The following TRIM44 variants were observed in gnomAD, a reference collection of about 807,000 sequenced individuals.
The protein encoded by TRIM44 is tripartite motif-containing protein 44.
In TRIM44, 13 loss-of-function variants were observed where a neutral mutation model predicts 37.4. The observed-to-expected ratio is 0.35, with a 90% CI of 0.23 to 0.55. The LOEUF (loss-of-function observed/expected upper bound fraction) is 0.55, where lower values mean the gene tolerates loss of function less well. Ranked by LOEUF, TRIM44 falls within the 20% of genes least tolerant of loss-of-function variation. The pLI, the probability that TRIM44 is intolerant of heterozygous loss-of-function variation, is 0.89. For missense variants in TRIM44, 426 were observed against 437.2 expected (o/e 0.97, Z 0.23); for synonymous variants, 175 against 157.2 (o/e 1.11, Z -0.85).
At position 35,816,660 on chromosome 11, in the gene TRIM44, T is replaced by C. The variant is rs1247039599; in HGVS notation, c.*10275T>C. 1 of 152,246 alleles carries C rather than the reference T, an allele frequency of 6.6e-6. No homozygotes were observed. The highest frequency in any genetic ancestry group is 1.5e-5 in the Non-Finnish European group (1 of 68,042). 9.4% of individuals were successfully genotyped at this position (152,246 alleles called of 1,614,324 possible). A position where few individuals can be genotyped will look rare whatever the true frequency, so the allele number is the denominator to read the frequency against. ...CAAAAAAGAGCAATGTGCCGTCTTC[T>C]GTCTTTGGAAAATGGGACAAGCTTG... On this transcript the variant is annotated 3_prime_UTR_variant, in exon 5 of 5. Coordinates refer to ENST00000299413, the MANE Select transcript of TRIM44 (RefSeq NM_017583.6).
intron 2 of TRIM44, among the ~76,000 whole-genome samples, chr11:35,688,202 A>G (rs1851602237): frequency 6.6e-6 from 1 of 152,204 alleles, no homozygotes; most frequent in African/African-American, 2.4e-5. Context: ...CAGAGGCTTT[A>G]CATAGAAGCA....
At chr11:35,716,646 A>G (rs1852042330) in intron 2 of TRIM44, among the ~76,000 whole-genome samples, 1 of 152,172 alleles carries the variant, frequency 6.6e-6, no homozygotes, top group South Asian at 2.1e-4. Context: ...TAGTAAGTCA[A>G]GAGACCTATT....
intron 4 of TRIM44, among the ~76,000 whole-genome samples, chr11:35,785,393 A>G (rs978974189): frequency 1.1e-4 from 17 of 152,188 alleles, no homozygotes; most frequent in African/African-American, 3.9e-4. Context: ...GCCTTTTTGA[A>G]AGGGGTGCAG....
intron 4 of TRIM44, among the ~76,000 whole-genome samples, chr11:35,780,628 G>C (rs1409844415): frequency 6.6e-6 from 1 of 152,172 alleles, no homozygotes; most frequent in Non-Finnish European, 1.5e-5. Context: ...ATCTCAGAGA[G>C]ATAAAGGAAT....
intron 4 of TRIM44, among the ~76,000 whole-genome samples, chr11:35,788,265 T>C (rs1440502749): frequency 6.6e-6 from 1 of 152,166 alleles, no homozygotes; most frequent in Non-Finnish European, 1.5e-5. Context: ...ATGGCTATTC[T>C]ACCCTGGAGC....
chr11:35,753,292 C>T (rs943335095), intron 4 of TRIM44, among the ~76,000 whole-genome samples: 4 of 152,156 alleles, frequency 2.6e-5, no homozygotes, highest in Admixed American at 1.3e-4. Context: ...GTATTTGGGC[C>T]TCAGAGCCTA....
At chr11:35,801,315 CA>C (rs1204354309) in intron 4 of TRIM44, among the ~76,000 whole-genome samples, 1 of 152,216 alleles carries the variant, frequency 6.6e-6, no homozygotes, top group East Asian at 1.9e-4. Flanking sequence ...CGTTCCTTGT[CA>C]ATACCTCTTA....
At chr11:35,784,446 A>C (rs1468184609) in intron 4 of TRIM44, among the ~76,000 whole-genome samples, 1 of 152,232 alleles carries the variant, frequency 6.6e-6, no homozygotes, top group Non-Finnish European at 1.5e-5. Flanking sequence ...TTAAAATACT[A>C]CATTTTTATA....
At chr11:35,771,449 C>T (rs190687121) in intron 4 of TRIM44, among the ~76,000 whole-genome samples, 1 of 151,992 alleles carries the variant, frequency 6.6e-6, no homozygotes, top group Admixed American at 6.6e-5. Flanking sequence ...GTTTTGGATG[C>T]GCACGGTGGC....
intron 4 of TRIM44, among the ~76,000 whole-genome samples, chr11:35,770,146 G>A (rs1327471330): frequency 6.6e-6 from 1 of 152,146 alleles, no homozygotes; most frequent in African/African-American, 2.4e-5. Flanking sequence ...TTACAAATGA[G>A]AATATGCAGT....
intron 1 of TRIM44, among the ~76,000 whole-genome samples, chr11:35,684,445 G>A (rs913553478): frequency 2.6e-5 from 4 of 152,126 alleles, no homozygotes; most frequent in Admixed American, 6.6e-5. Flanking sequence ...TCATTATACT[G>A]TAATAATAGT....
chr11:35,773,787 C>A (rs112883695), intron 4 of TRIM44, among the ~76,000 whole-genome samples: 1 of 152,194 alleles, frequency 6.6e-6, no homozygotes, highest in Non-Finnish European at 1.5e-5. Flanking sequence ...CATGTCCCTA[C>A]AAAGGACAAG....
chr11:35,793,144 T>C (rs1267561625), intron 4 of TRIM44, among the ~76,000 whole-genome samples: 1 of 146,420 alleles, frequency 6.8e-6, no homozygotes, highest in Non-Finnish European at 1.5e-5. Context: ...AGGAGAGTCA[T>C]GACCGGCTGC....
At chr11:35,712,780 A>G (rs1851990654) in intron 2 of TRIM44, among the ~76,000 whole-genome samples, 2 of 152,124 alleles carry the variant, frequency 1.3e-5, no homozygotes. Context: ...GCCACGCTTC[A>G]GGTTTCCAGT....
chr11:35,681,250 G>A (rs59005129), intron 1 of TRIM44, among the ~76,000 whole-genome samples: 1,954 of 152,260 alleles, frequency 0.013, 48 homozygotes, highest in African/African-American at 0.045. Flanking sequence ...TTTTTCAGCT[G>A]TAAAGTGAGA....
At position 35,703,962 on chromosome 11, in the gene TRIM44, G is replaced by A. The variant is rs544892017; in HGVS notation, c.747+18626G>A. On this transcript the variant is annotated intron_variant, in intron 2 of 4. Coordinates refer to ENST00000299413, the MANE Select transcript of TRIM44 (RefSeq NM_017583.6). ...AGGCTTCAGACGATCAAACTACTCC[G>A]AGCTACAGGAGGAAATTCAAACCAA... Among the ~76,000 whole-genome samples the A allele has an allele frequency of 1.3e-3, 197 of 152,256 alleles. 5 individuals carry two copies. The highest frequency in any genetic ancestry group is 4.5e-3 in the African/African-American group (189 of 41,546).
chr11:35,735,710 A>G (rs1365441486), intron 4 of TRIM44, among the ~76,000 whole-genome samples: 2 of 152,162 alleles, frequency 1.3e-5, no homozygotes, highest in Admixed American at 1.3e-4. Context: ...TAGGCACTAC[A>G]TTTAAATGGT....
intron 2 of TRIM44, among the ~76,000 whole-genome samples, chr11:35,694,723 A>G (rs1265205666): frequency 3.9e-5 from 6 of 152,020 alleles, no homozygotes; most frequent in African/African-American, 1.4e-4. Flanking sequence ...ATGAGTGCAC[A>G]TTTTTAAGAG....
At chr11:35,705,322 A>C (rs1851864665) in intron 2 of TRIM44, among the ~76,000 whole-genome samples, 2 of 152,292 alleles carry the variant, frequency 1.3e-5, no homozygotes, top group Middle Eastern at 3.4e-3. Flanking sequence ...GGGAGACTTT[A>C]ACACCCCACT....
Sources: gnomAD v4.1 joint callset for allele counts (sites outside exome capture counted in the v4.1 genomes callset) on GRCh38, gnomAD v4.1.1 for gene constraint, MANE v1.5 for transcripts, NCBI Gene and HGNC (gene_info 2026-07-23, HGNC 2026-07-21) for gene names.